Variants in KITLG observed in about 807,000 individuals in gnomAD.
KITLG encodes KIT ligand, also known as c-Kit ligand.
KITLG carries 13 observed loss-of-function variants against 34.1 expected under a neutral mutation model. That is an observed-to-expected ratio of 0.38 (90% CI 0.25 to 0.61). The LOEUF is 0.61. Ranked by LOEUF, KITLG falls within the 20% of genes least tolerant of loss-of-function variation. The pLI is 0.60. For missense variants in KITLG, 292 were observed against 318.9 expected, an observed-to-expected ratio of 0.92 and a Z score of 0.64; for synonymous variants, 110 against 104.0, an observed-to-expected ratio of 1.06 and a Z score of -0.35.
rs558512797 is a variant in KITLG, at chr12:88,570,540, A to C, written c.15+9724T>G. The stretch of plus-strand genomic sequence containing the variant: ...TTAGAAAAAACAACAACAACAACAA[A>C]AAAAAAACAAAGAAGTTCAACCCTT... On this transcript the variant is annotated intron_variant, in intron 1 of 9. Coordinates refer to ENST00000644744, the MANE Select transcript of KITLG (RefSeq NM_000899.5). Among the ~76,000 whole-genome samples the C allele has an allele frequency of 8.3e-3, 1,251 of 151,074 alleles. 23 individuals carry two copies. Among genetic ancestry groups the C allele is most frequent in the African/African-American group, 0.029 (1,179 of 41,334 alleles).
intron 1 of KITLG, among the ~76,000 whole-genome samples, chr12:88,574,363 A>G (rs920348115): frequency 6.6e-6 from 1 of 152,164 alleles, no homozygotes; most frequent in Non-Finnish European, 1.5e-5. Flanking sequence ...AGCTAAGGAA[A>G]GGAGGTAAGC....
intron 1 of KITLG, among the ~76,000 whole-genome samples, chr12:88,577,900 T>G (rs1429027132): frequency 6.6e-6 from 1 of 152,224 alleles, no homozygotes; most frequent in Non-Finnish European, 1.5e-5. Flanking sequence ...CTATAAATTT[T>G]TTTTATATGT....
At chr12:88,513,886 A>T (rs1318579333) in intron 6 of KITLG, among the ~76,000 whole-genome samples, 2 of 151,728 alleles carry the variant, frequency 1.3e-5, no homozygotes, top group Non-Finnish European at 3.0e-5. Context: ...AAGGAAGGGA[A>T]GATATAAACA....
At chr12:88,537,304 C>T (rs1340333116) in intron 2 of KITLG, among the ~76,000 whole-genome samples, 1 of 151,414 alleles carries the variant, frequency 6.6e-6, no homozygotes, top group African/African-American at 2.4e-5. Context: ...CAAAAAAAAA[C>T]AATAAAATCA....
In KITLG at chr12:88,501,038, C is replaced by A. The variant is rs140581438; in HGVS notation, c.*38-3857G>T. On this transcript the variant is annotated intron_variant, in intron 9 of 9. Transcript: ENST00000644744. ...CAAGTGATCCTCCCACCTCAGCCCC[C>A]CAAGGTACTGGGATTACAGGAATGA... Among the ~76,000 whole-genome samples the A allele has an allele frequency of 2.0e-4, 30 of 152,266 alleles. No individual in the cohort carries two copies. The East Asian group carries it at 5.4e-3, about 27-fold the overall frequency.
rs902111549 is a variant in KITLG, at chr12:88,494,604, A to G, written c.*2615T>C. ...TAAGCACATTAAATTACAATACAAT[A>G]TCCAGGAACACTTCATTATCACTCA... On this transcript the variant is annotated 3_prime_UTR_variant, in exon 10 of 10. Transcript: ENST00000644744. 1 of 152,454 alleles carries G rather than the reference A, an allele frequency of 6.6e-6. No individual in the cohort carries two copies. Among genetic ancestry groups the G allele is most frequent in the African/African-American group, 2.4e-5 (1 of 41,448 alleles). The allele number at this position is 152,454 out of a possible 1,614,324, so 9.4% of individuals were successfully genotyped here.
intron 6 of KITLG, among the ~76,000 whole-genome samples, chr12:88,507,795 A>C (rs1869120390): frequency 6.6e-6 from 1 of 152,132 alleles, no homozygotes; most frequent in South Asian, 2.1e-4. Flanking sequence ...GTCCCATACT[A>C]CGTCTAAATA....
At chr12:88,554,290 C>CT (rs1358686580) in intron 1 of KITLG, among the ~76,000 whole-genome samples, 2 of 152,058 alleles carry the variant, frequency 1.3e-5, no homozygotes, top group Non-Finnish European at 1.5e-5. Context: ...GAAAAAAAGC[C>CT]TTTTTTTCTC....
rs1231307964 is a variant in KITLG at position 88,517,508 on chromosome 12, T to C, written c.364-1018A>G. ...CCATGATTAGTAAATGCACATTCTT[T>C]GTTGTTTGCAGTGTTCTTCCCAACA... On this transcript the variant is annotated intron_variant, in intron 4 of 9. Coordinates refer to ENST00000644744, the MANE Select transcript of KITLG (RefSeq NM_000899.5). Among the ~76,000 whole-genome samples the C allele has an allele frequency of 2.0e-5, 3 of 152,096 alleles. No homozygotes were observed. The East Asian group carries it at 5.8e-4, about 29-fold the overall frequency.
chr12:88,532,373 C>T (rs1363243475), intron 3 of KITLG, 68 bp downstream of exon 3: 1 of 1,126,340 alleles, frequency 8.9e-7, no homozygotes, highest in Non-Finnish European at 1.3e-6. Flanking sequence ...AGTGTACTAT[C>T]TCAATATGAA....
intron 1 of KITLG, among the ~76,000 whole-genome samples, chr12:88,575,600 T>C (rs1255136233): frequency 1.3e-5 from 2 of 152,198 alleles, no homozygotes; most frequent in Non-Finnish European, 2.9e-5. Context: ...ACAGAGCCTA[T>C]ACAAAACAAC....
chr12:88,572,569 A>G (rs573241557), intron 1 of KITLG, among the ~76,000 whole-genome samples: 28 of 140,308 alleles, frequency 2.0e-4, no homozygotes, highest in African/African-American at 7.2e-4. Context: ...ATAAATATGT[A>G]CATTATATAT....
At chr12:88,553,262 C>A (rs141193632) in intron 1 of KITLG, among the ~76,000 whole-genome samples, 20 of 152,240 alleles carry the variant, frequency 1.3e-4, no homozygotes, top group African/African-American at 4.3e-4. Flanking sequence ...AAATATTTAT[C>A]TTTGTTTTCT....
chr12:88,574,035 A>G (rs753526709), intron 1 of KITLG, among the ~76,000 whole-genome samples: 6 of 151,070 alleles, frequency 4.0e-5, no homozygotes, highest in Non-Finnish European at 7.4e-5. Context: ...GAATTTCTGC[A>G]TCCAAATATC....
intron 1 of KITLG, 161 bp from the exon 2 acceptor site, chr12:88,546,026 G>GT (rs1161445186): frequency 1.4e-6 from 1 of 724,468 alleles, no homozygotes; most frequent in Non-Finnish European, 2.5e-6. Context: ...GCTCACCAAA[G>GT]TTTTTAAAAG....
intron 3 of KITLG, among the ~76,000 whole-genome samples, chr12:88,523,279 C>T (rs370252046): frequency 2.6e-5 from 4 of 152,126 alleles, no homozygotes; most frequent in African/African-American, 4.8e-5. Flanking sequence ...ATTGTATAAG[C>T]GGGAAAATCA....
intron 6 of KITLG, among the ~76,000 whole-genome samples, chr12:88,510,373 A>G (rs1460926148): frequency 1.3e-5 from 2 of 152,184 alleles, no homozygotes; most frequent in Non-Finnish European, 2.9e-5. Flanking sequence ...ATGAACTCTT[A>G]TAAGACATCA....
At chr12:88,571,436 T>A (rs1017276440) in intron 1 of KITLG, among the ~76,000 whole-genome samples, 40 of 152,182 alleles carry the variant, frequency 2.6e-4, no homozygotes, top group Non-Finnish European at 3.4e-4. Flanking sequence ...TTTGCTATTC[T>A]CTCACATTGT....
At chr12:88,550,240 G>C (rs371620089) in intron 1 of KITLG, among the ~76,000 whole-genome samples, 1 of 152,142 alleles carries the variant, frequency 6.6e-6, no homozygotes, top group East Asian at 1.9e-4. Flanking sequence ...CAAGAAATTG[G>C]GGGTGAAGAG....
Sources: gnomAD v4.1 joint callset for allele counts (sites outside exome capture counted in the v4.1 genomes callset) on GRCh38, gnomAD v4.1.1 for gene constraint, MANE v1.5 for transcripts, NCBI Gene and HGNC (gene_info 2026-07-23, HGNC 2026-07-21) for gene names.